Variants in BEND7 observed in about 807,000 individuals in gnomAD.
BEND7 encodes BEN domain containing 7.
In BEND7, 28 loss-of-function variants were observed where a neutral mutation model predicts 50.9. That is an observed-to-expected ratio of 0.55 (90% CI 0.41 to 0.75). The LOEUF is 0.75. BEND7 is among the 30% of genes least tolerant of loss of function. BEND7 has a pLI of 0.00. For missense variants in BEND7, 477 were observed against 491.3 expected, an observed-to-expected ratio of 0.97 and a Z score of 0.28; for synonymous variants, 170 against 183.9, an observed-to-expected ratio of 0.92 and a Z score of 0.61.
At chr10:13,517,232 T>A (rs2132587689) in intron 2 of BEND7, among the ~76,000 whole-genome samples, 1 of 152,164 alleles carries the variant, frequency 6.6e-6, no homozygotes, top group South Asian at 2.1e-4. Flanking sequence ...CTAATTTTTG[T>A]ATTTTTTTGT....
At chr10:13,517,158 G>A (rs1056916264) in intron 2 of BEND7, among the ~76,000 whole-genome samples, 5 of 149,006 alleles carry the variant, frequency 3.4e-5, no homozygotes, top group East Asian at 2.1e-4. Context: ...CCCACCCACT[G>A]GGCTCAACTG....
chr10:13,467,071 A>G (rs981748458), intron 6 of BEND7, among the ~76,000 whole-genome samples: 1 of 152,182 alleles, frequency 6.6e-6, no homozygotes. Context: ...CACCGGGGGA[A>G]GATGCTGGGG....
intron 2 of BEND7, among the ~76,000 whole-genome samples, chr10:13,517,411 G>A (rs1252319368): frequency 2.0e-5 from 3 of 152,124 alleles, no homozygotes; most frequent in South Asian, 2.1e-4. Context: ...AGAAGTAGAC[G>A]GAGGCAGTTC....
chr10:13,458,040 G>C (rs565299605), intron 6 of BEND7, among the ~76,000 whole-genome samples: 18 of 152,290 alleles, frequency 1.2e-4, no homozygotes, highest in Admixed American at 9.2e-4. Flanking sequence ...CTAAATAAAA[G>C]AGCTAAAGCA....
At chr10:13,485,306 C>T (rs2076145392) in intron 5 of BEND7, among the ~76,000 whole-genome samples, 1 of 152,084 alleles carries the variant, frequency 6.6e-6, no homozygotes, top group Non-Finnish European at 1.5e-5. Flanking sequence ...TACATGTGGT[C>T]ACTGGTTAAA....
chr10:13,507,469 T>C (rs1369752264), intron 2 of BEND7, among the ~76,000 whole-genome samples: 1 of 152,174 alleles, frequency 6.6e-6, no homozygotes, highest in Non-Finnish European at 1.5e-5. Flanking sequence ...AAAGAGGCCA[T>C]TGAGAAACTT....
intron 5 of BEND7, among the ~76,000 whole-genome samples, chr10:13,482,219 A>G (rs74122764): frequency 0.013 from 2,018 of 152,356 alleles, 45 homozygotes; most frequent in African/African-American, 0.046. Flanking sequence ...GGAATAGACG[A>G]AAGTTCATTA....
intron 2 of BEND7, 44 bp from the exon 3 acceptor site, chr10:13,500,124 G>C (rs1167233306): frequency 7.0e-7 from 1 of 1,424,390 alleles, no homozygotes; most frequent in African/African-American, 1.4e-5. Context: ...ATTAGTGAAA[G>C]AGAAAACAGT....
At chr10:13,453,138 G>C (rs921248042) in intron 6 of BEND7, among the ~76,000 whole-genome samples, 2 of 152,210 alleles carry the variant, frequency 1.3e-5, no homozygotes, top group Non-Finnish European at 1.5e-5. Flanking sequence ...GTGTCGTGAT[G>C]AAAGTTCCAA....
chr10:13,451,533 CT>C (rs1359931471), intron 7 of BEND7, among the ~76,000 whole-genome samples: 3 of 151,816 alleles, frequency 2.0e-5, no homozygotes, highest in Admixed American at 6.6e-5. Flanking sequence ...CTCCATACTG[CT>C]TTTCATAATG....
chr10:13,510,346 T>A (rs1350567027), intron 2 of BEND7, among the ~76,000 whole-genome samples: 1 of 152,242 alleles, frequency 6.6e-6, no homozygotes, highest in African/African-American at 2.4e-5. Flanking sequence ...GTAACTCTCA[T>A]AGGCTGTTGG....
intron 4 of BEND7, among the ~76,000 whole-genome samples, chr10:13,494,386 C>T (rs904672628): frequency 6.6e-6 from 1 of 152,226 alleles, no homozygotes; most frequent in Non-Finnish European, 1.5e-5. Flanking sequence ...CACTGCACTC[C>T]AGCCTGGCGA....
At chr10:13,447,830 A>G (rs1482866780) in intron 7 of BEND7, among the ~76,000 whole-genome samples, 3 of 152,094 alleles carry the variant, frequency 2.0e-5, no homozygotes. Context: ...TTGATCACTG[A>G]TGATTTCTGT....
At chr10:13,473,457 C>T (rs2075106334) in intron 6 of BEND7, among the ~76,000 whole-genome samples, 1 of 150,112 alleles carries the variant, frequency 6.7e-6, no homozygotes, top group African/African-American at 2.5e-5. Flanking sequence ...GGTCGATACC[C>T]ATCATCACTG....
intron 2 of BEND7, among the ~76,000 whole-genome samples, chr10:13,510,806 A>T (rs767686650): frequency 4.6e-5 from 7 of 152,172 alleles, no homozygotes; most frequent in Non-Finnish European, 5.9e-5. Flanking sequence ...TCTGTGACAC[A>T]CACACACATT....
chr10:13,508,040 G>A (rs1163698108), intron 2 of BEND7, among the ~76,000 whole-genome samples: 1 of 152,242 alleles, frequency 6.6e-6, no homozygotes, highest in African/African-American at 2.4e-5. Flanking sequence ...AGACAGGTGG[G>A]AGCACGGAGC....
chr10:13,486,760 A>C (rs1198696170), intron 5 of BEND7, among the ~76,000 whole-genome samples: 1 of 152,228 alleles, frequency 6.6e-6, no homozygotes, highest in Non-Finnish European at 1.5e-5. Context: ...TTCTCCGTGT[A>C]CTTGCATAAT....
intron 3 of BEND7, among the ~76,000 whole-genome samples, chr10:13,499,538 A>C (rs2077286095): frequency 6.6e-6 from 1 of 152,182 alleles, no homozygotes; most frequent in Non-Finnish European, 1.5e-5. Flanking sequence ...TAAAGGGCTA[A>C]AATCTCTACC....
chr10:13,497,124 T>C (rs1300806529), intron 3 of BEND7, among the ~76,000 whole-genome samples: 2 of 152,160 alleles, frequency 1.3e-5, no homozygotes, highest in African/African-American at 4.8e-5. Context: ...TGTGGCGCGG[T>C]GCGGGAGCCC....
Sources: gnomAD v4.1 joint callset for allele counts (sites outside exome capture counted in the v4.1 genomes callset) on GRCh38, gnomAD v4.1.1 for gene constraint, MANE v1.5 for transcripts, NCBI Gene and HGNC (gene_info 2026-07-23, HGNC 2026-07-21) for gene names.